The following DRC11 variants were observed in gnomAD, a reference collection of about 807,000 sequenced individuals.
DRC11 encodes IQ and AAA domain-containing protein 1.
At chr2:236,357,115 ATATATTATATATTCG>A in the DRC11 span, among the ~76,000 whole-genome samples, 5 of 91,008 alleles carry the variant, frequency 5.5e-5, no homozygotes, top group Non-Finnish European at 1.0e-4. Flanking sequence ...TTATATATCT[ATATATTATATATTCG>A]TATATTATAT....
the DRC11 span, among the ~76,000 whole-genome samples, chr2:236,330,300 C>T: frequency 2.6e-5 from 4 of 152,044 alleles, no homozygotes; most frequent in East Asian, 3.9e-4. This position sits in a 1 kb window ranked among gnomAD's most constrained non-coding sequence, Gnocchi z 5.5. Context: ...CCCAGCCATA[C>T]GCATTCATTT....
chr2:236,378,653 C>A, the DRC11 span, among the ~76,000 whole-genome samples: 2 of 141,930 alleles, frequency 1.4e-5, no homozygotes, highest in African/African-American at 2.7e-5. Context: ...CCAGCCTGGG[C>A]GAAACAGCGA....
At chr2:236,407,340 T>C in the DRC11 span, among the ~76,000 whole-genome samples, 1 of 152,198 alleles carries the variant, frequency 6.6e-6, no homozygotes, top group Admixed American at 6.5e-5. Context: ...ACCACATTTC[T>C]CACATGGGCC....
the DRC11 span, among the ~76,000 whole-genome samples, chr2:236,479,177 T>C: frequency 6.6e-6 from 1 of 152,322 alleles, no homozygotes; most frequent in Non-Finnish European, 1.5e-5. This position sits in a 1 kb window ranked among gnomAD's most constrained non-coding sequence, Gnocchi z 4.1. Context: ...GTCCTTTTTT[T>C]CCATTTGCAT....
At chr2:236,400,573 G>C in the DRC11 span, among the ~76,000 whole-genome samples, 1 of 152,230 alleles carries the variant, frequency 6.6e-6, no homozygotes, top group Admixed American at 6.5e-5. The surrounding 1 kb of genome is among the most constrained non-coding windows in gnomAD (Gnocchi z 7.9). Context: ...TACCCTTAGA[G>C]AGGGCGAAAG....
the DRC11 span, among the ~76,000 whole-genome samples, chr2:236,320,392 G>A: frequency 2.0e-3 from 298 of 152,224 alleles, 2 homozygotes; most frequent in African/African-American, 6.8e-3. Flanking sequence ...TAAAAATCAC[G>A]TCAGTCCTGT....
chr2:236,477,758 T>A, the DRC11 span, among the ~76,000 whole-genome samples: 1 of 152,286 alleles, frequency 6.6e-6, no homozygotes, highest in Admixed American at 6.5e-5. Context: ...CATGGTTCAA[T>A]TTTGGTAGGT....
the DRC11 span, among the ~76,000 whole-genome samples, chr2:236,446,608 G>C: frequency 6.6e-6 from 1 of 152,152 alleles, no homozygotes; most frequent in Admixed American, 6.5e-5. The surrounding 1 kb of genome is among the most constrained non-coding windows in gnomAD (Gnocchi z 6.2). Context: ...GCTGTCCTTT[G>C]GATGCTTGGA....
the DRC11 span, among the ~76,000 whole-genome samples, chr2:236,383,633 A>ATTTTTTTTTTTTT: frequency 8.2e-6 from 1 of 122,644 alleles, no homozygotes; most frequent in Non-Finnish European, 1.8e-5. Flanking sequence ...TTGTGTGGTC[A>ATTTTTTTTTTTTT]TTTTTTTTTT....
At chr2:236,344,784 T>A in the DRC11 span, 1 of 635,498 alleles carries the variant, frequency 1.6e-6, no homozygotes, top group Non-Finnish European at 2.7e-6. Context: ...TGCAGAGCCC[T>A]GGCTGTGAAC....
At chr2:236,320,555 G>A in the DRC11 span, among the ~76,000 whole-genome samples, 27 of 152,274 alleles carry the variant, frequency 1.8e-4, no homozygotes, top group South Asian at 5.2e-3. Flanking sequence ...GACGGTCTCC[G>A]TCTCAGGAGC....
chr2:236,502,548 C>CAAAAAAAAAAAAAAAAAAAAAAAA, the DRC11 span, among the ~76,000 whole-genome samples: 7 of 15,090 alleles, frequency 4.6e-4, 1 homozygote, highest in African/African-American at 9.8e-4. Context: ...TGCACTCCAG[C>CAAAAAAAAAAAAAAAAAAAAAAAA]AAAAAAAAAA....
the DRC11 span, among the ~76,000 whole-genome samples, chr2:236,491,141 AG>A: frequency 3.3e-5 from 2 of 60,650 alleles, no homozygotes; most frequent in African/African-American, 1.8e-4. Flanking sequence ...ATATATATAC[AG>A]TATATATATA....
At chr2:236,331,103 A>G in the DRC11 span, among the ~76,000 whole-genome samples, 1 of 152,188 alleles carries the variant, frequency 6.6e-6, no homozygotes, top group Admixed American at 6.5e-5. This position sits in a 1 kb window ranked among gnomAD's most constrained non-coding sequence, Gnocchi z 4.8. Flanking sequence ...TGTGAATCCA[A>G]TGGTGTTGAA....
the DRC11 span, among the ~76,000 whole-genome samples, chr2:236,475,543 T>C: frequency 7.2e-5 from 11 of 152,174 alleles, no homozygotes; most frequent in African/African-American, 2.7e-4. This position sits in a 1 kb window ranked among gnomAD's most constrained non-coding sequence, Gnocchi z 4.8. Flanking sequence ...GCAAAAGTAA[T>C]TGTGGTTTTT....
the DRC11 span, among the ~76,000 whole-genome samples, chr2:236,333,604 T>A: frequency 6.6e-6 from 1 of 152,100 alleles, no homozygotes; most frequent in Non-Finnish European, 1.5e-5. The surrounding 1 kb of genome is among the most constrained non-coding windows in gnomAD (Gnocchi z 6.0). Flanking sequence ...GCGGACTTGG[T>A]TCTGGGCACG....
At chr2:236,474,578 TAGAC>T in the DRC11 span, among the ~76,000 whole-genome samples, 2 of 152,178 alleles carry the variant, frequency 1.3e-5, no homozygotes, top group Non-Finnish European at 2.9e-5. Context: ...ATGTTAAACT[TAGAC>T]TGTACTAGAT....
the DRC11 span, among the ~76,000 whole-genome samples, chr2:236,498,132 AACCATGATGT>A: frequency 1.3e-4 from 20 of 152,238 alleles, no homozygotes; most frequent in African/African-American, 4.8e-4. Context: ...AGAATCTTAG[AACCATGATGT>A]ACAGTGTGAG....
the DRC11 span, among the ~76,000 whole-genome samples, chr2:236,369,755 T>TTTGC: frequency 1.3e-5 from 2 of 152,216 alleles, no homozygotes; most frequent in Non-Finnish European, 2.9e-5. This position sits in a 1 kb window ranked among gnomAD's most constrained non-coding sequence, Gnocchi z 4.5. Context: ...CATTCCTGTG[T>TTTGC]TTGCAGTGGC....
Sources: gnomAD v4.1 joint callset for allele counts (sites outside exome capture counted in the v4.1 genomes callset) on GRCh38, gnomAD v4.1.1 for gene constraint, Gnocchi (gnomAD v3.1) non-coding constraint, MANE v1.5 for transcripts, NCBI Gene and HGNC (gene_info 2026-07-23, HGNC 2026-07-21) for gene names.